SVIL: variants seen among roughly 807,000 people sequenced by gnomAD.
SVIL encodes archvillin.
In SVIL, 101 loss-of-function variants were observed where a neutral mutation model predicts 240.4. The ratio of observed to expected loss-of-function variants is 0.42; its 90% confidence interval spans 0.36 to 0.50. The LOEUF (loss-of-function observed/expected upper bound fraction) is 0.50. Ranked by LOEUF, SVIL falls within the 20% of genes least tolerant of loss-of-function variation. The probability of loss-of-function intolerance (pLI) is 0.01; values close to 1 mark genes in which losing one functional copy is unlikely to be tolerated. For missense variants in SVIL, 2,512 were observed against 2,818.7 expected, an observed-to-expected ratio of 0.89 and a Z score of 2.46; for synonymous variants, 999 against 1,100.0, an observed-to-expected ratio of 0.91 and a Z score of 1.82.
chr10:29,570,160 C>T (rs2132722237), intron 1 of SVIL, among the ~76,000 whole-genome samples: 1 of 152,350 alleles, frequency 6.6e-6, no homozygotes, highest in Non-Finnish European at 1.5e-5. Flanking sequence ...AATACATCCT[C>T]AGTCCTGGAA....
At chr10:29,561,056 C>T (rs991493530) in intron 3 of SVIL, among the ~76,000 whole-genome samples, 2 of 150,962 alleles carry the variant, frequency 1.3e-5, no homozygotes, top group Non-Finnish European at 2.9e-5. Flanking sequence ...CTCCTGACCT[C>T]GTAATCCACC....
intron 1 of SVIL, among the ~76,000 whole-genome samples, chr10:29,700,716 G>A (rs1206259622): frequency 1.3e-4 from 20 of 151,860 alleles, no homozygotes; most frequent in Admixed American, 5.3e-4. Flanking sequence ...CTCATGATCC[G>A]CCTGCCTCGG....
chr10:29,735,385 G>C lies in SVIL; in HGVS notation c.-400+366C>G, dbSNP rs1335282461. The stretch of plus-strand genomic sequence containing the variant: ...CCCGCCTCCCCGCCATGCTCTCAGC[G>C]TAACGGGCAGCCGCGCTAACTTCCC... On this transcript the variant is annotated intron_variant, in intron 1 of 35. Transcript: ENST00000375400. This position sits in a 1 kb window ranked among gnomAD's most constrained non-coding sequence, Gnocchi z 4.1. Among the ~76,000 whole-genome samples the C allele has an allele frequency of 6.6e-6, 1 of 152,046 alleles. No homozygotes were observed. Among genetic ancestry groups the C allele is most frequent in the African/African-American group, 2.4e-5 (1 of 41,430 alleles).
intron 7 of SVIL, among the ~76,000 whole-genome samples, chr10:29,534,805 G>A (rs1488069746): frequency 6.6e-6 from 1 of 152,196 alleles, no homozygotes; most frequent in Non-Finnish European, 1.5e-5. Context: ...TGCAAAGCAC[G>A]TGGCTTAGTG....
chr10:29,497,427 C>T (rs1948529777), intron 18 of SVIL, among the ~76,000 whole-genome samples: 1 of 152,164 alleles, frequency 6.6e-6, no homozygotes. Flanking sequence ...TAATCATTTC[C>T]TGCAGGATAT....
At chr10:29,544,754 TAA>T (rs373279682) in intron 6 of SVIL, among the ~76,000 whole-genome samples, 1,283 of 70,260 alleles carry the variant, frequency 0.018, 22 homozygotes, top group South Asian at 0.14. Context: ...AGACCTTTTC[TAA>T]AAAAAAAAAA....
chr10:29,658,737 C>A (rs1959076373), intron 2 of SVIL, among the ~76,000 whole-genome samples: 1 of 152,102 alleles, frequency 6.6e-6, no homozygotes, highest in Non-Finnish European at 1.5e-5. Flanking sequence ...GCCTGGGCAA[C>A]AAGGAAGACC....
chr10:29,488,721 C>T lies in SVIL; in HGVS notation c.4228G>A (p.Ala1410Thr). The T allele has an allele frequency of 1.2e-6, 2 of 1,612,724 alleles. No homozygotes were observed. The highest frequency in any genetic ancestry group is 1.1e-5 in the South Asian group (1 of 90,640). The change falls in exon 23 of 38, where the codon GCG (alanine) becomes ACG (threonine). Residue 1410 changes from alanine (A) to threonine (T), a missense_variant. Coordinates refer to ENST00000355867, the MANE Select transcript of SVIL (RefSeq NM_021738.3). ...AAGTTTTCTTTACTGGCTAAACCCGCCAGGGTGACTTCTGAGAAGTTGGAG... is the reference window on the plus strand; with the variant it reads ...AAGTTTTCTTTACTGGCTAAACCCGTCAGGGTGACTTCTGAGAAGTTGGAG... ...SNSNFSEVTL[A>T]GLASKENFSN...
At chr10:29,600,327 T>C (rs1280604784) in intron 1 of SVIL, among the ~76,000 whole-genome samples, 1 of 152,166 alleles carries the variant, frequency 6.6e-6, no homozygotes, top group East Asian at 1.9e-4. Flanking sequence ...AGTCCTCTGG[T>C]TTAGTCATTG....
At chr10:29,605,505 A>G (rs1165152233) in intron 1 of SVIL, among the ~76,000 whole-genome samples, 1 of 152,032 alleles carries the variant, frequency 6.6e-6, no homozygotes, top group African/African-American at 2.4e-5. Context: ...GACTCCTTAA[A>G]TTCCTTTTCC....
intron 17 of SVIL, among the ~76,000 whole-genome samples, chr10:29,506,034 T>C (rs1351695482): frequency 6.6e-6 from 1 of 152,186 alleles, no homozygotes; most frequent in Non-Finnish European, 1.5e-5. Flanking sequence ...TACAAGGTAA[T>C]GTTATGTAAA....
At chr10:29,545,557 T>G (rs1196225868) in intron 6 of SVIL, among the ~76,000 whole-genome samples, 2 of 152,120 alleles carry the variant, frequency 1.3e-5, no homozygotes, top group African/African-American at 4.8e-5. Flanking sequence ...GGATCACCAC[T>G]AGAAAATGAG....
chr10:29,549,998 T>C (rs1953112859), intron 6 of SVIL, among the ~76,000 whole-genome samples: 1 of 117,974 alleles, frequency 8.5e-6, no homozygotes, highest in Non-Finnish European at 1.6e-5. Flanking sequence ...ATTGTGCACA[T>C]GTACCCTAAA....
At chr10:29,463,080 A>C (rs189317337) in intron 35 of SVIL, among the ~76,000 whole-genome samples, 863 of 152,330 alleles carry the variant, frequency 5.7e-3, no homozygotes, top group Middle Eastern at 0.027. Context: ...ATGGCCGTTC[A>C]CTGTTTGGGG....
chr10:29,725,731 G>A (rs566246778), intron 1 of SVIL, among the ~76,000 whole-genome samples: 7 of 152,242 alleles, frequency 4.6e-5, no homozygotes, highest in South Asian at 2.1e-4. Context: ...GCCAGTTTCC[G>A]CAACGCTCAG....
chr10:29,635,687 C>T (rs1029505927), upstream of SVIL, among the ~76,000 whole-genome samples: 1 of 152,200 alleles, frequency 6.6e-6, no homozygotes, highest in Non-Finnish European at 1.5e-5. Flanking sequence ...TAAAAGGCCA[C>T]TGACATGTTG....
intron 1 of SVIL, among the ~76,000 whole-genome samples, chr10:29,606,471 TTCTC>T (rs1319089389): frequency 1.3e-5 from 2 of 152,154 alleles, no homozygotes; most frequent in African/African-American, 2.4e-5. Context: ...CTTCTATCTC[TTCTC>T]TCTCTCTGAC....
chr10:29,706,072 G>A (rs909499594), intron 1 of SVIL, among the ~76,000 whole-genome samples: 3 of 152,060 alleles, frequency 2.0e-5, no homozygotes, highest in Non-Finnish European at 4.4e-5. Flanking sequence ...ACGGGCATTT[G>A]GGTTGGTTCC....
chr10:29,721,101 G>T (rs1432430242), intron 1 of SVIL, among the ~76,000 whole-genome samples: 1 of 152,126 alleles, frequency 6.6e-6, no homozygotes, highest in Non-Finnish European at 1.5e-5. Context: ...ACCCGCCTCA[G>T]CCTCCCAAAG....
Sources: allele counts gnomAD v4.1 joint callset (sites outside exome capture counted in the v4.1 genomes callset), GRCh38; gene constraint gnomAD v4.1.1; non-coding constraint Gnocchi (gnomAD v3.1); transcripts MANE v1.5; gene names NCBI Gene and HGNC (gene_info 2026-07-23, HGNC 2026-07-21).